Variants in CACNB4 observed in about 807,000 individuals in gnomAD.
CACNB4 encodes voltage-dependent L-type calcium channel subunit beta-4.
In CACNB4, 32 loss-of-function variants were observed where a neutral mutation model predicts 71.2. The ratio of observed to expected loss-of-function variants is 0.45; its 90% CI spans 0.34 to 0.60. CACNB4 has a LOEUF of 0.60. Ranked by LOEUF, CACNB4 falls within the 20% of genes least tolerant of loss-of-function variation. CACNB4 has a pLI of 0.01. For missense variants in CACNB4, 464 were observed against 647.9 expected, an observed-to-expected ratio of 0.72 and a Z score of 3.08; for synonymous variants, 231 against 236.9, an observed-to-expected ratio of 0.97 and a Z score of 0.23.
intron 2 of CACNB4, among the ~76,000 whole-genome samples, chr2:151,890,164 G>A (rs1000274485): frequency 1.3e-5 from 2 of 152,124 alleles, no homozygotes; most frequent in African/African-American, 4.8e-5. Flanking sequence ...AAGGTATCTT[G>A]CATGGATTCT....
intron 2 of CACNB4, among the ~76,000 whole-genome samples, chr2:152,029,508 A>G (rs1458895371): frequency 7.8e-4 from 15 of 19,176 alleles, no homozygotes; most frequent in East Asian, 4.3e-3. Flanking sequence ...AAAAAAAAAA[A>G]AAAGAAAAGA....
At chr2:151,993,515 A>G (rs886736703) in intron 2 of CACNB4, among the ~76,000 whole-genome samples, 3 of 151,674 alleles carry the variant, frequency 2.0e-5, no homozygotes, top group Non-Finnish European at 2.9e-5. Context: ...AAAACAGGAT[A>G]GTGCCAGAGA....
chr2:151,908,077 G>T (rs967340927), intron 2 of CACNB4, among the ~76,000 whole-genome samples: 1 of 152,212 alleles, frequency 6.6e-6, no homozygotes, highest in Admixed American at 6.5e-5. Context: ...GGAGGAGACC[G>T]TGAGGATGGT....
At chr2:151,839,411 AATG>A (rs1391945483) in intron 13 of CACNB4, 32 bp from the exon 14 acceptor site, 48 of 1,545,056 alleles carry the variant, frequency 3.1e-5, no homozygotes, top group Non-Finnish European at 3.9e-5. Context: ...TTGATTAAAT[AATG>A]TCAGCTTCAT....
At chr2:151,841,695 G>T in intron 13 of CACNB4, 1 of 501,732 alleles carries the variant, frequency 2.0e-6, no homozygotes, top group South Asian at 3.0e-5. Flanking sequence ...TAAATTCACA[G>T]ACAGCATAAT....
At chr2:152,054,096 G>A (rs12693222) in intron 2 of CACNB4, among the ~76,000 whole-genome samples, 8 of 151,948 alleles carry the variant, frequency 5.3e-5, no homozygotes, top group South Asian at 2.1e-4. Flanking sequence ...GGCCGGGCGC[G>A]GTGGCTCACG....
At chr2:152,065,383 A>C (rs1226719564) in intron 2 of CACNB4, among the ~76,000 whole-genome samples, 1 of 121,780 alleles carries the variant, frequency 8.2e-6, no homozygotes, top group East Asian at 2.0e-4. Flanking sequence ...ACTCCATCTC[A>C]AAAGAAAAAA....
At chr2:152,079,669 C>T (rs146768031) in intron 2 of CACNB4, among the ~76,000 whole-genome samples, 78 of 152,074 alleles carry the variant, frequency 5.1e-4, no homozygotes, top group African/African-American at 1.8e-3. Context: ...GCCTATAGTC[C>T]CAGGTACCTT....
chr2:152,076,323 T>TG (rs1687017119), intron 2 of CACNB4, among the ~76,000 whole-genome samples: 3 of 149,830 alleles, frequency 2.0e-5, no homozygotes, highest in African/African-American at 7.3e-5. Context: ...TTGGGTTTTT[T>TG]TTTTTTTTTT....
intron 2 of CACNB4, among the ~76,000 whole-genome samples, chr2:152,058,705 G>A (rs574797784): frequency 3.0e-4 from 46 of 152,370 alleles, no homozygotes; most frequent in African/African-American, 9.6e-4. Context: ...TTTCTGGGGA[G>A]AAATTCAAGC....
Position 152,004,868 on chromosome 2 carries a change from G to A in CACNB4, c.147+93462C>T, listed in dbSNP as rs572406737. Reference sequence around the variant, plus strand: ...TCTGTTTCTTCAAGGCAGAGCCACAGCGGCGTTTCTTGTCTGTTTCTCTTT... The same window carrying A: ...TCTGTTTCTTCAAGGCAGAGCCACAACGGCGTTTCTTGTCTGTTTCTCTTT... On this transcript the variant is annotated intron_variant, in intron 2 of 13. Coordinates refer to ENST00000539935, the MANE Select transcript of CACNB4 (RefSeq NM_000726.5). Among the ~76,000 whole-genome samples, 9 of 152,296 alleles carry A rather than the reference G, an allele frequency of 5.9e-5. No homozygotes were observed. The South Asian group carries it at 1.7e-3, about 28-fold the overall frequency.
At chr2:152,045,992 T>G (rs1685125478) in intron 2 of CACNB4, among the ~76,000 whole-genome samples, 1 of 152,174 alleles carries the variant, frequency 6.6e-6, no homozygotes, top group African/African-American at 2.4e-5. Context: ...TTAGAGTAAC[T>G]GAGAATCAAT....
At chr2:151,937,159 C>T (rs1010240137) in intron 2 of CACNB4, among the ~76,000 whole-genome samples, 1 of 152,132 alleles carries the variant, frequency 6.6e-6, no homozygotes, top group African/African-American at 2.4e-5. Context: ...TGAAATTAAC[C>T]CATTTCAATG....
intron 7 of CACNB4, 72 bp downstream of exon 7, chr2:151,870,770 C>T: frequency 7.4e-7 from 1 of 1,348,936 alleles, no homozygotes; most frequent in Non-Finnish European, 1.1e-6. Flanking sequence ...ACTTGGGTCA[C>T]TGAAATGGAG....
At chr2:152,084,806 G>GTTTC (rs1687563418) in intron 2 of CACNB4, among the ~76,000 whole-genome samples, 1 of 150,642 alleles carries the variant, frequency 6.6e-6, no homozygotes. Context: ...GTTTTGTTTT[G>GTTTC]TAGAGACAGG....
chr2:151,940,161 G>C (rs1488142977), intron 2 of CACNB4, among the ~76,000 whole-genome samples: 2 of 152,196 alleles, frequency 1.3e-5, no homozygotes, highest in Non-Finnish European at 2.9e-5. Flanking sequence ...TTTCTTAAGA[G>C]GTATGGCTCT....
intron 2 of CACNB4, among the ~76,000 whole-genome samples, chr2:151,946,091 G>A (rs1560045344): frequency 6.6e-6 from 1 of 152,092 alleles, no homozygotes; most frequent in Non-Finnish European, 1.5e-5. Flanking sequence ...CACTTTGGGA[G>A]GCGAAGGCTG....
At chr2:152,010,156 A>G (rs985348070) in intron 2 of CACNB4, among the ~76,000 whole-genome samples, 6 of 152,204 alleles carry the variant, frequency 3.9e-5, no homozygotes, top group African/African-American at 1.4e-4. Flanking sequence ...AATTTCTCCA[A>G]TAAGCTTCTT....
intron 12 of CACNB4, among the ~76,000 whole-genome samples, chr2:151,848,879 A>T (rs1271633413): frequency 6.6e-6 from 1 of 152,208 alleles, no homozygotes; most frequent in Non-Finnish European, 1.5e-5. Flanking sequence ...TGGCCTTCTT[A>T]AAAAACATAC....
Sources: allele counts gnomAD v4.1 joint callset (sites outside exome capture counted in the v4.1 genomes callset), GRCh38; gene constraint gnomAD v4.1.1; transcripts MANE v1.5; gene names NCBI Gene and HGNC (gene_info 2026-07-23, HGNC 2026-07-21).